Variants in FUT9 observed in about 807,000 individuals in gnomAD.
FUT9 encodes fucosyltransferase 9, also known as 4-galactosyl-N-acetylglucosaminide 3-alpha-L-fucosyltransferase 9.
In FUT9, 15 loss-of-function variants were observed where a neutral mutation model predicts 29.7. The observed-to-expected ratio is 0.51, with a 90% CI of 0.34 to 0.78. FUT9 has a LOEUF of 0.78. Ranked by LOEUF, FUT9 falls within the 30% of genes least tolerant of loss-of-function variation. The probability of loss-of-function intolerance (pLI) is 0.01; values close to 1 mark genes in which losing one functional copy is unlikely to be tolerated. For missense variants in FUT9, 319 were observed against 425.4 expected (o/e 0.75, Z 2.20); for synonymous variants, 169 against 153.7 (o/e 1.10, Z -0.74).
At chr6:96,089,781 CT>C (rs1343074512) in intron 1 of FUT9, among the ~76,000 whole-genome samples, 1 of 152,126 alleles carries the variant, frequency 6.6e-6, no homozygotes, top group African/African-American at 2.4e-5. Flanking sequence ...CATAACAGCG[CT>C]TTTAAGCTAT....
At chr6:96,042,393 T>C (rs1415674993) in intron 1 of FUT9, among the ~76,000 whole-genome samples, 1 of 152,230 alleles carries the variant, frequency 6.6e-6, no homozygotes, top group Non-Finnish European at 1.5e-5. Flanking sequence ...TTCAATTTTA[T>C]TATTAAAAAT....
chr6:96,144,423 G>A (rs967479766), intron 2 of FUT9, among the ~76,000 whole-genome samples: 1 of 152,130 alleles, frequency 6.6e-6, no homozygotes, highest in African/African-American at 2.4e-5. Flanking sequence ...GCTGAATTAG[G>A]AGTGAAGATA....
chr6:96,132,484 A>G (rs917033452), intron 2 of FUT9, among the ~76,000 whole-genome samples: 2 of 152,086 alleles, frequency 1.3e-5, no homozygotes, highest in Admixed American at 6.6e-5. Context: ...TAATAGAGGA[A>G]GGTTAATTAG....
At chr6:96,076,937 C>A (rs552714609) in intron 1 of FUT9, among the ~76,000 whole-genome samples, 1 of 152,240 alleles carries the variant, frequency 6.6e-6, no homozygotes, top group South Asian at 2.1e-4. Flanking sequence ...ACTGATGGCT[C>A]TCTTCATTAT....
At chr6:96,024,796 AT>A (rs1230283632) in intron 1 of FUT9, among the ~76,000 whole-genome samples, 1 of 151,792 alleles carries the variant, frequency 6.6e-6, no homozygotes, top group Non-Finnish European at 1.5e-5. Context: ...GGTCAATTTT[AT>A]CAGAATTCTA....
At chr6:96,068,743 C>T (rs1397798680) in intron 1 of FUT9, among the ~76,000 whole-genome samples, 1 of 152,118 alleles carries the variant, frequency 6.6e-6, no homozygotes, top group Non-Finnish European at 1.5e-5. Context: ...AATATCTTCT[C>T]TTAAAATGAG....
chr6:96,211,941 A>C lies in FUT9; in HGVS notation c.*7706A>C, dbSNP rs1773944957. The C allele has an allele frequency of 2.4e-6, 1 of 408,504 alleles. No homozygotes were observed. The highest frequency in any genetic ancestry group is 2.1e-5 in the African/African-American group (1 of 48,522). 25.3% of individuals were successfully genotyped at this position (408,504 alleles called of 1,614,324 possible). On this transcript the variant is annotated 3_prime_UTR_variant, in exon 3 of 3. Transcript: ENST00000302103. ...TTAGTTGTGTAAGTAAAGTAAGTTA[A>C]GTTATAGCTTGCTGGAATTTTATTG...
intron 2 of FUT9, among the ~76,000 whole-genome samples, chr6:96,148,607 C>G (rs1452173524): frequency 1.3e-5 from 2 of 152,090 alleles, no homozygotes; most frequent in Non-Finnish European, 2.9e-5. Context: ...TGGAGTGGCC[C>G]TGGAGAAGCC....
At chr6:96,064,432 C>T (rs1770928259) in intron 1 of FUT9, among the ~76,000 whole-genome samples, 2 of 152,032 alleles carry the variant, frequency 1.3e-5, no homozygotes, top group African/African-American at 4.8e-5. Flanking sequence ...ATGTGACTGA[C>T]TTGCAGGTGC....
At chr6:96,042,213 T>C (rs746810) in intron 1 of FUT9, among the ~76,000 whole-genome samples, 107,813 of 152,036 alleles carry the variant, frequency 0.71, 38,400 homozygotes, top group African/African-American at 0.77. Flanking sequence ...TATAGGGGCA[T>C]CATCACAACC....
chr6:96,128,366 C>T (rs1227774251), intron 2 of FUT9, among the ~76,000 whole-genome samples: 2 of 152,030 alleles, frequency 1.3e-5, no homozygotes, highest in African/African-American at 2.4e-5. Flanking sequence ...TAAAAATTAT[C>T]CCAATAAAGA....
intron 1 of FUT9, among the ~76,000 whole-genome samples, chr6:96,089,120 G>C (rs1049973887): frequency 6.6e-6 from 1 of 152,098 alleles, no homozygotes; most frequent in African/African-American, 2.4e-5. Context: ...ACTATTCCTG[G>C]CCATATGTGA....
At chr6:96,030,741 C>T (rs1476738375) in intron 1 of FUT9, among the ~76,000 whole-genome samples, 1 of 151,546 alleles carries the variant, frequency 6.6e-6, no homozygotes, top group Non-Finnish European at 1.5e-5. Flanking sequence ...TGTCCATCAA[C>T]TGCTGAATAA....
At position 96,160,949 on chromosome 6, in the gene FUT9, T is replaced by A. The variant is rs140108897; in HGVS notation, c.-8-42199T>A. 3.9e-5 allele frequency among the ~76,000 whole-genome samples: 6 copies of A among 152,286 alleles called. No individual in the cohort carries two copies. The East Asian group carries it at 1.2e-3, about 29-fold the overall frequency. ...GAAAGACAATATTCTGTTTTTAAAC[T>A]ATGATTTTGAAAACGTGAATTGTAA... On this transcript the variant is annotated intron_variant, in intron 2 of 2. Transcript: ENST00000302103.
At chr6:96,192,597 G>T (rs1211358875) in intron 2 of FUT9, among the ~76,000 whole-genome samples, 1 of 152,120 alleles carries the variant, frequency 6.6e-6, no homozygotes, top group Admixed American at 6.6e-5. Flanking sequence ...TGGACAGGAA[G>T]AATCAATATC....
chr6:96,135,518 C>A (rs1772330774), intron 2 of FUT9, among the ~76,000 whole-genome samples: 1 of 151,780 alleles, frequency 6.6e-6, no homozygotes, highest in African/African-American at 2.4e-5. Context: ...TTATTCTTCA[C>A]CATGATTCAA....
intron 2 of FUT9, among the ~76,000 whole-genome samples, chr6:96,193,494 A>T (rs75732320): frequency 7.8e-6 from 1 of 127,450 alleles, no homozygotes; most frequent in Non-Finnish European, 1.7e-5. Flanking sequence ...AAATCAAAAC[A>T]ACAATGAGAT....
intron 2 of FUT9, among the ~76,000 whole-genome samples, chr6:96,117,213 G>T (rs1289278084): frequency 6.6e-6 from 1 of 152,138 alleles, no homozygotes; most frequent in African/African-American, 2.4e-5. Flanking sequence ...AATTATGAAA[G>T]TACTTTGCAT....
At chr6:96,117,232 G>T (rs1338309653) in intron 2 of FUT9, among the ~76,000 whole-genome samples, 1 of 152,088 alleles carries the variant, frequency 6.6e-6, no homozygotes, top group Non-Finnish European at 1.5e-5. Context: ...ATGTATATTA[G>T]GGTGGAATGC....
Sources: allele counts gnomAD v4.1 joint callset (sites outside exome capture counted in the v4.1 genomes callset), GRCh38; gene constraint gnomAD v4.1.1; transcripts MANE v1.5; gene names NCBI Gene and HGNC (gene_info 2026-07-23, HGNC 2026-07-21).